PLAA: variants seen among roughly 807,000 people sequenced by gnomAD.
The protein encoded by PLAA is phospholipase A2 activating protein, also known as phospholipase A-2-activating protein.
Under a neutral mutation model 84.1 loss-of-function variants are expected in PLAA, and 48 were observed. The ratio of observed to expected loss-of-function variants is 0.57; its 90% CI spans 0.45 to 0.73. The LOEUF is 0.73. Ranked by LOEUF, PLAA falls within the 30% of genes least tolerant of loss-of-function variation. The pLI, the probability that PLAA is intolerant of heterozygous loss-of-function variation, is 0.00. For missense variants in PLAA, 903 were observed against 954.7 expected, an observed-to-expected ratio of 0.95 and a Z score of 0.71; for synonymous variants, 392 against 336.6, an observed-to-expected ratio of 1.16 and a Z score of -1.80.
intron 2 of PLAA, among the ~76,000 whole-genome samples, chr9:26,929,103 G>A (rs1006187068): frequency 6.6e-6 from 1 of 152,150 alleles, no homozygotes; most frequent in Non-Finnish European, 1.5e-5. Context: ...GAAGGCTGAG[G>A]TGGGAGGATT....
intron 1 of PLAA, among the ~76,000 whole-genome samples, chr9:26,938,630 G>A (rs1015915790): frequency 1.3e-5 from 2 of 150,512 alleles, no homozygotes; most frequent in Admixed American, 6.6e-5. Context: ...GCTTAAAGGA[G>A]CCTTCTCGCA....
chr9:26,939,795 C>G (rs986868108), intron 1 of PLAA, among the ~76,000 whole-genome samples: 1 of 151,550 alleles, frequency 6.6e-6, no homozygotes, highest in African/African-American at 2.4e-5. Flanking sequence ...AAAAAGAAAA[C>G]AAGAGACAAA....
Position 26,905,573 on chromosome 9 carries a change from A to T in PLAA, c.2326T>A (p.Ser776Thr), listed in dbSNP as rs752278393. Residue 776 changes from serine to threonine, a missense_variant, in exon 14 of 14, where the codon TCC (serine) becomes ACC (threonine). Ser to Thr is a moderately conservative substitution (Grantham distance 58). Coordinates refer to ENST00000397292, the MANE Select transcript of PLAA (RefSeq NM_001031689.3). ...LGVDSQIKKY[S>T]SVSEPAKVSE... ...ACTTTAGCTGGTTCTGATACTGAGGAATACTTTTTTATTTGAGAATCAACA... is the reference window on the plus strand; with the variant it reads ...ACTTTAGCTGGTTCTGATACTGAGGTATACTTTTTTATTTGAGAATCAACA... The T allele has an allele frequency of 9.9e-6, 16 of 1,614,036 alleles. No homozygotes were observed. Among genetic ancestry groups the T allele is most frequent in the Admixed American group, 1.7e-5 (1 of 60,026 alleles).
rs368623988 is a variant in PLAA, at chr9:26,934,698, C to T, written c.343+315G>A. On this transcript the variant is annotated intron_variant, in intron 2 of 13. Coordinates refer to ENST00000397292, the MANE Select transcript of PLAA (RefSeq NM_001031689.3). ...TTTTGCAATGTTTTCCAGGCTGGTC[C>T]GAACTCCTGGCCTCAAGTGATCTGC... Among the ~76,000 whole-genome samples the T allele has an allele frequency of 2.6e-5, 4 of 151,836 alleles. No individual in the cohort carries two copies. The East Asian group carries it at 7.8e-4, about 29-fold the overall frequency.
At chr9:26,908,539 C>G (rs906697175) in intron 12 of PLAA, among the ~76,000 whole-genome samples, 2 of 151,756 alleles carry the variant, frequency 1.3e-5, no homozygotes, top group African/African-American at 4.8e-5. Context: ...TCTCGGCTCA[C>G]TGCAACCTCC....
At chr9:26,936,622 G>A (rs1306871903) in intron 1 of PLAA, among the ~76,000 whole-genome samples, 1 of 152,202 alleles carries the variant, frequency 6.6e-6, no homozygotes, top group Non-Finnish European at 1.5e-5. Context: ...CCCATGGCAG[G>A]CAGTCATGCA....
At chr9:26,909,899 C>T (rs1824348300) in intron 12 of PLAA, among the ~76,000 whole-genome samples, 1 of 152,198 alleles carries the variant, frequency 6.6e-6, no homozygotes, top group Non-Finnish European at 1.5e-5. Context: ...GCTGGGATTA[C>T]AGGCATGAGT....
At chr9:26,933,813 A>G (rs111344509) in intron 2 of PLAA, among the ~76,000 whole-genome samples, 1 of 146,160 alleles carries the variant, frequency 6.8e-6, no homozygotes, top group Non-Finnish European at 1.5e-5. Context: ...AAAAAAAAAA[A>G]TTTTTTGTTT....
chr9:26,926,635 T>C, intron 4 of PLAA, 75 bp from the exon 5 acceptor site: 1 of 1,018,900 alleles, frequency 9.8e-7, no homozygotes, highest in Non-Finnish European at 1.4e-6. Context: ...TTACTAACAT[T>C]ATAAAACATA....
intron 7 of PLAA, among the ~76,000 whole-genome samples, chr9:26,921,019 T>C (rs891570702): frequency 6.6e-6 from 1 of 152,024 alleles, no homozygotes. Flanking sequence ...ATCAATGCTT[T>C]TCATCTCACT....
Position 26,947,203 on chromosome 9 carries a change from G to T in PLAA, c.-158C>A. On this transcript the variant is annotated 5_prime_UTR_variant, in exon 1 of 14. Coordinates refer to ENST00000397292, the MANE Select transcript of PLAA (RefSeq NM_001031689.3). ...AGAGCCGGTACGGAAGGGCGGCTGG[G>T]AAGGGGCGCGCCGAGCGGGCCGAGT... The T allele has an allele frequency of 1.2e-6, 1 of 830,866 alleles. No individual in the cohort carries two copies. The highest frequency in any genetic ancestry group is 2.0e-5 in the South Asian group (1 of 50,280). The allele number at this position is 830,866 out of a possible 1,614,324, so 51.5% of individuals were successfully genotyped here.
chr9:26,926,866 C>T (rs559596829), intron 4 of PLAA, among the ~76,000 whole-genome samples: 1 of 151,364 alleles, frequency 6.6e-6, no homozygotes, highest in Admixed American at 6.6e-5. Context: ...TTTTTCTTCC[C>T]CAACAAGAGT....
chr9:26,934,621 T>C (rs921878008), intron 2 of PLAA, among the ~76,000 whole-genome samples: 8 of 151,814 alleles, frequency 5.3e-5, no homozygotes, highest in African/African-American at 1.9e-4. Flanking sequence ...CTGGGATTAC[T>C]GGTGGGCATC....
At chr9:26,937,109 C>T (rs182580172) in intron 1 of PLAA, among the ~76,000 whole-genome samples, 1 of 152,112 alleles carries the variant, frequency 6.6e-6, no homozygotes, top group African/African-American at 2.4e-5. Context: ...CCATCGCACT[C>T]CAGCCTGGGG....
chr9:26,908,426 G>A (rs748246308), intron 12 of PLAA, among the ~76,000 whole-genome samples: 7 of 150,944 alleles, frequency 4.6e-5, no homozygotes, highest in Non-Finnish European at 8.8e-5. Context: ...TTAGCCTCCC[G>A]AAGTGCTGTG....
In PLAA at chr9:26,903,522, A is replaced by G. The variant is rs930890028; in HGVS notation, c.*1989T>C. ...GTCACTATGCCACAAGATGTTAAGAATAGTTTTCTCTAGATAGTGGCCTTA... is the reference window on the plus strand; with the variant it reads ...GTCACTATGCCACAAGATGTTAAGAGTAGTTTTCTCTAGATAGTGGCCTTA... On this transcript the variant is annotated 3_prime_UTR_variant, in exon 14 of 14. Transcript: ENST00000397292. Among the ~76,000 whole-genome samples the G allele has an allele frequency of 2.0e-5, 3 of 152,230 alleles. No homozygotes were observed. The highest frequency in any genetic ancestry group is 4.4e-5 in the Non-Finnish European group (3 of 68,020).
chr9:26,913,794 G>T, intron 11 of PLAA, 85 bp downstream of exon 11: 1 of 951,934 alleles, frequency 1.1e-6, no homozygotes, highest in South Asian at 1.6e-5. Context: ...GCAAGAAAAT[G>T]ACACAAATTT....
intron 10 of PLAA, among the ~76,000 whole-genome samples, chr9:26,915,154 G>T (rs779711890): frequency 2.0e-5 from 3 of 151,872 alleles, no homozygotes; most frequent in African/African-American, 4.8e-5. Flanking sequence ...AGAGTTTGTG[G>T]TGAGCTGAGA....
At chr9:26,916,481 G>T in intron 10 of PLAA, 1 of 986,828 alleles carries the variant, frequency 1.0e-6, no homozygotes, top group African/African-American at 1.7e-5. Flanking sequence ...ACACTTCAAG[G>T]GCTTCAAGAA....
Sources: gnomAD v4.1 joint callset for allele counts (sites outside exome capture counted in the v4.1 genomes callset) on GRCh38, gnomAD v4.1.1 for gene constraint, MANE v1.5 for transcripts, NCBI Gene and HGNC (gene_info 2026-07-23, HGNC 2026-07-21) for gene names.